Variants in TTLL11 observed in about 807,000 individuals in gnomAD.
TTLL11 encodes tubulin polyglutamylase TTLL11.
In TTLL11, 42 loss-of-function variants were observed where a neutral mutation model predicts 51.7. That is an observed-to-expected ratio of 0.81 (90% CI 0.64 to 1.05). TTLL11 has a LOEUF of 1.05. Ranked by LOEUF, TTLL11 falls within the 50% of genes least tolerant of loss-of-function variation. The probability of loss-of-function intolerance (pLI) is 0.00; values close to 1 mark genes in which losing one functional copy is unlikely to be tolerated. For missense variants in TTLL11, 799 were observed against 940.4 expected, an observed-to-expected ratio of 0.85 and a Z score of 1.97; for synonymous variants, 381 against 383.5, an observed-to-expected ratio of 0.99 and a Z score of 0.08.
In TTLL11 at chr9:121,974,877, T is replaced by C. The variant is rs1450317290; in HGVS notation, c.1365+7A>G. 1 of 1,538,168 alleles carries C rather than the reference T, an allele frequency of 6.5e-7. No homozygotes were observed. The highest frequency in any genetic ancestry group is 1.2e-5 in the South Asian group (1 of 81,880). The stretch of plus-strand genomic sequence containing the variant: ...AACATAGTCAATGAGATGCTCAAAA[T>C]ACTTACTTCGTGCTCATGTTCGATT... On this transcript the variant is annotated splice_region_variant and intron_variant, in intron 5 of 8. Transcript: ENST00000321582.
At chr9:121,902,913 G>C (rs1839822118) in intron 6 of TTLL11, among the ~76,000 whole-genome samples, 2 of 152,060 alleles carry the variant, frequency 1.3e-5, no homozygotes, top group African/African-American at 4.8e-5. Context: ...CAGAGTCACA[G>C]GTTATCAGAT....
At chr9:121,963,315 T>A (rs1269356870) in intron 6 of TTLL11, among the ~76,000 whole-genome samples, 1 of 152,212 alleles carries the variant, frequency 6.6e-6, no homozygotes, top group Non-Finnish European at 1.5e-5. Context: ...AAGTGACTTT[T>A]CTGAGACCAA....
rs908151944 is a variant in TTLL11, at chr9:121,938,747, T to C, written c.1481+35262A>G. On this transcript the variant is annotated intron_variant, in intron 6 of 8. Transcript: ENST00000321582. Reference sequence around the variant, plus strand: ...CACAAGAATGCAAATTAAAGCAATATGACACCATTTGATATGCCTCAGATT... The same window carrying C: ...CACAAGAATGCAAATTAAAGCAATACGACACCATTTGATATGCCTCAGATT... Among the ~76,000 whole-genome samples the C allele has an allele frequency of 9.2e-5, 14 of 151,756 alleles. No individual in the cohort carries two copies. In the Middle Eastern group the frequency reaches 0.01, roughly 111 times the overall value.
chr9:121,822,834 T>A lies in TTLL11; in HGVS notation c.1886A>T (p.Gln629Leu). ...AFVEAFFFLA[Q>L]RKFKMLPLHE... is the part of the protein sequence containing the mutation. ...AAGTGGCAGCATCTTGAACTTCCTC[T>A]GAGCCAGGAAAAAGAAAGCTTCTAC... is the stretch of plus-strand genomic sequence containing the variant. Residue 629 changes from glutamine to leucine, a missense_variant, in exon 9 of 9, where the codon CAG becomes CTG. Physicochemically the swap from Gln to Leu is moderately radical, Grantham distance 113. Coordinates refer to ENST00000321582, the MANE Select transcript of TTLL11 (RefSeq NM_001139442.2). This position sits in a 1 kb window ranked among gnomAD's most constrained non-coding sequence, Gnocchi z 5.8. 1 of 1,551,546 alleles carries A rather than the reference T, an allele frequency of 6.4e-7. No individual in the cohort carries two copies. The highest frequency in any genetic ancestry group is 8.7e-7 in the Non-Finnish European group (1 of 1,146,936).
intron 3 of TTLL11, among the ~76,000 whole-genome samples, chr9:122,009,867 A>G (rs1468678745): frequency 2.0e-5 from 3 of 151,952 alleles, no homozygotes; most frequent in East Asian, 1.9e-4. Flanking sequence ...AGGCTGATCT[A>G]TTTTCTTCTT....
chr9:121,872,577 G>A lies in TTLL11; in HGVS notation c.1482-1829C>T, dbSNP rs748468247. ...TGTAAGTGCTTTTAAATTCAATAGC[G>A]AAACAACATGCGTGATAGCCCTGTA... On this transcript the variant is annotated intron_variant, in intron 6 of 8. Transcript: ENST00000321582. 3.1e-4 allele frequency among the ~76,000 whole-genome samples: 47 copies of A among 152,254 alleles called. 1 individual carries two copies. Among genetic ancestry groups the A allele is most frequent in the African/African-American group, 9.9e-4 (41 of 41,542 alleles).
chr9:121,948,027 A>C (rs1366080997), intron 6 of TTLL11, among the ~76,000 whole-genome samples: 2 of 152,234 alleles, frequency 1.3e-5, no homozygotes, highest in Non-Finnish European at 2.9e-5. Context: ...ACTGAGCTAG[A>C]CACTCTCAGA....
At chr9:121,826,173 T>TATATATATATATAA (rs1462210276) in intron 8 of TTLL11, among the ~76,000 whole-genome samples, 7 of 69,670 alleles carry the variant, frequency 1.0e-4, no homozygotes, top group African/African-American at 3.1e-4. Flanking sequence ...TATATATATA[T>TATATATATATATAA]AACCAGTAAC....
intron 3 of TTLL11, among the ~76,000 whole-genome samples, chr9:122,022,798 A>G (rs1185077094): frequency 1.3e-5 from 2 of 152,054 alleles, no homozygotes; most frequent in African/African-American, 4.8e-5. Context: ...AACAAAAATG[A>G]TAACAATGTA....
At chr9:122,031,879 G>C in intron 2 of TTLL11, 23 bp from the exon 3 acceptor site, 1 of 1,604,380 alleles carries the variant, frequency 6.2e-7, no homozygotes, top group Non-Finnish European at 8.5e-7. Flanking sequence ...GACGCTGTGA[G>C]GTTTTAACAA....
At chr9:121,848,530 T>C (rs990920242) in intron 8 of TTLL11, among the ~76,000 whole-genome samples, 6 of 152,188 alleles carry the variant, frequency 3.9e-5, no homozygotes, top group African/African-American at 1.2e-4. Context: ...CCTCCTGAAG[T>C]AACAAATGAC....
At chr9:122,035,793 G>T (rs548298926) in intron 2 of TTLL11, among the ~76,000 whole-genome samples, 1 of 152,070 alleles carries the variant, frequency 6.6e-6, no homozygotes, top group South Asian at 2.1e-4. Flanking sequence ...AAGCTGACCC[G>T]TGTCACTGTC....
At chr9:121,894,596 C>G (rs938985014) in intron 6 of TTLL11, among the ~76,000 whole-genome samples, 14 of 152,278 alleles carry the variant, frequency 9.2e-5, no homozygotes, top group African/African-American at 3.4e-4. Context: ...ATGTCCTTTG[C>G]AGAGACATGG....
intron 6 of TTLL11, chr9:121,884,778 C>G (rs1205518382): frequency 6.6e-6 from 1 of 152,208 alleles, no homozygotes; most frequent in African/African-American, 2.4e-5. Flanking sequence ...TTCACTTGTA[C>G]CTCTCCTGTC....
rs929083647 is a variant in TTLL11 at position 122,043,842 on chromosome 9, AT to A, written c.463-4475del. Reference sequence around the variant, plus strand: ...AGATCAATAGTCAGAATATATATATATTTTTTTCTTTTCTTTTTTTATTTTA... The same window carrying A: ...AGATCAATAGTCAGAATATATATATATTTTTTCTTTTCTTTTTTTATTTTA... On this transcript the variant is annotated intron_variant, in intron 1 of 8. Transcript: ENST00000321582. Among the ~76,000 whole-genome samples the A allele has an allele frequency of 3.5e-4, 53 of 151,638 alleles. 1 individual carries two copies. The highest frequency in any genetic ancestry group is 1.5e-3 in the Admixed American group (23 of 15,266).
At position 121,984,180 on chromosome 9, in the gene TTLL11, A is replaced by G. The variant is rs72765947; in HGVS notation, c.1269+5015T>C. On this transcript the variant is annotated intron_variant, in intron 4 of 8. Transcript: ENST00000321582. ...TAGACTGGGGTTGGGGTCAGGGGTG[A>G]CAAATGCCAGGCTAAGGAGATGGTT... is the stretch of plus-strand genomic sequence containing the variant. Among the ~76,000 whole-genome samples, 926 of 152,300 alleles carry G rather than the reference A, an allele frequency of 6.1e-3. 2 individuals are homozygous for G. The highest frequency in any genetic ancestry group is 0.014 in the South Asian group (69 of 4,822).
At chr9:121,900,492 G>T (rs1374515322) in intron 6 of TTLL11, among the ~76,000 whole-genome samples, 1 of 152,152 alleles carries the variant, frequency 6.6e-6, no homozygotes, top group Non-Finnish European at 1.5e-5. Flanking sequence ...TTGAAATTCA[G>T]TGGGCTTCCT....
chr9:122,061,301 T>C (rs1845427117), intron 1 of TTLL11, among the ~76,000 whole-genome samples: 1 of 152,218 alleles, frequency 6.6e-6, no homozygotes, highest in Non-Finnish European at 1.5e-5. Flanking sequence ...TCACAGATAC[T>C]GGTTAGGGCT....
At chr9:121,882,287 C>T (rs144944813) in intron 6 of TTLL11, among the ~76,000 whole-genome samples, 486 of 152,262 alleles carry the variant, frequency 3.2e-3, no homozygotes, top group Non-Finnish European at 5.4e-3. Flanking sequence ...CTGTAGTCAG[C>T]GCCCTGGCCT....
Sources: allele counts gnomAD v4.1 joint callset (sites outside exome capture counted in the v4.1 genomes callset), GRCh38; gene constraint gnomAD v4.1.1; non-coding constraint Gnocchi (gnomAD v3.1); transcripts MANE v1.5; gene names NCBI Gene and HGNC (gene_info 2026-07-23, HGNC 2026-07-21).